The following ATP2B4 variants were observed in gnomAD, a reference collection of about 807,000 sequenced individuals.
ATP2B4 encodes plasma membrane calcium-transporting ATPase 4.
ATP2B4 carries 39 observed loss-of-function variants against 110.3 expected under a neutral mutation model. That is an observed-to-expected ratio of 0.35 (90% CI 0.27 to 0.46). ATP2B4 has a LOEUF of 0.46. Among genes scored for constraint, ATP2B4 ranks in the 20% least tolerant of loss-of-function variants. The pLI is 1.00. For missense variants in ATP2B4, 1,135 were observed against 1,530.9 expected, an observed-to-expected ratio of 0.74 and a Z score of 4.32; for synonymous variants, 538 against 571.7, an observed-to-expected ratio of 0.94 and a Z score of 0.84.
At chr1:203,724,076 C>A (rs1052692362) in intron 19 of ATP2B4, 88 bp downstream of exon 19, 10 of 1,058,650 alleles carry the variant, frequency 9.4e-6, no homozygotes, top group South Asian at 1.7e-5. Context: ...ACGGTGGAGA[C>A]CCCCCAGCTC....
chr1:203,648,383 G>T (rs1663872905), intron 1 of ATP2B4, among the ~76,000 whole-genome samples: 2 of 152,170 alleles, frequency 1.3e-5, no homozygotes, highest in Non-Finnish European at 2.9e-5. Flanking sequence ...TAGCAACCAT[G>T]GGGCTGGGGA....
At chr1:203,709,228 G>A in intron 10 of ATP2B4, 73 bp from the exon 11 acceptor site, 2 of 1,581,006 alleles carry the variant, frequency 1.3e-6, no homozygotes, top group Non-Finnish European at 1.7e-6. Context: ...TTGTAAATGA[G>A]TTCTTTCTCC....
At chr1:203,672,124 C>T (rs1014337063) in intron 1 of ATP2B4, among the ~76,000 whole-genome samples, 1 of 152,136 alleles carries the variant, frequency 6.6e-6, no homozygotes, top group East Asian at 1.9e-4. Context: ...TGGGGTTTGG[C>T]GTTTCTCCTT....
At chr1:203,686,008 A>G (rs1029813739) in intron 2 of ATP2B4, among the ~76,000 whole-genome samples, 1 of 151,522 alleles carries the variant, frequency 6.6e-6, no homozygotes, top group African/African-American at 2.4e-5. Flanking sequence ...TTAATCACAA[A>G]AAAAAAAAAA....
intron 8 of ATP2B4, among the ~76,000 whole-genome samples, chr1:203,705,264 T>C (rs1299218879): frequency 6.6e-6 from 1 of 152,246 alleles, no homozygotes; most frequent in Non-Finnish European, 1.5e-5. Flanking sequence ...TTTTAACTAC[T>C]GTGAAATCTC....
intron 1 of ATP2B4, among the ~76,000 whole-genome samples, chr1:203,645,316 C>T (rs946109194): frequency 6.6e-6 from 1 of 152,172 alleles, no homozygotes; most frequent in Non-Finnish European, 1.5e-5. Flanking sequence ...CTAGGCAACA[C>T]TGCCTCTCTA....
chr1:203,721,576 C>T (rs1308249543), intron 17 of ATP2B4, among the ~76,000 whole-genome samples, 166 bp downstream of exon 17: 1 of 151,524 alleles, frequency 6.6e-6, no homozygotes, highest in African/African-American at 2.4e-5. Context: ...TATATGTACT[C>T]ATACAGTACT....
Position 203,642,284 on chromosome 1 carries a change from A to G in ATP2B4, c.-465+15065A>G, listed in dbSNP as rs145236465. Among the ~76,000 whole-genome samples, 823 of 152,136 alleles carry G rather than the reference A, an allele frequency of 5.4e-3. 9 individuals are homozygous for G. The highest frequency in any genetic ancestry group is 0.019 in the African/African-American group (777 of 41,516). On this transcript the variant is annotated intron_variant, in intron 1 of 20. Transcript: ENST00000357681. ...ATTTTTTTTAGAAATGGGTCTTGCT[A>G]TGTTGCTCAGGCTGGTCTCAAACTT...
chr1:203,663,450 C>T (rs1463280051), intron 1 of ATP2B4, among the ~76,000 whole-genome samples: 6 of 152,134 alleles, frequency 3.9e-5, no homozygotes, highest in Non-Finnish European at 8.8e-5. Flanking sequence ...CACACACACA[C>T]ATCACACATA....
intron 17 of ATP2B4, 100 bp downstream of exon 17, chr1:203,721,510 C>A: frequency 8.3e-7 from 1 of 1,211,854 alleles, no homozygotes; most frequent in Non-Finnish European, 1.2e-6. Context: ...CAGGAATAAG[C>A]GCAGCTTCAC....
At chr1:203,655,491 CA>C (rs1664132802) in intron 1 of ATP2B4, among the ~76,000 whole-genome samples, 1 of 152,014 alleles carries the variant, frequency 6.6e-6, no homozygotes, top group Admixed American at 6.6e-5. Context: ...GCTAAAAATA[CA>C]AAAATTAACC....
intron 19 of ATP2B4, among the ~76,000 whole-genome samples, chr1:203,726,615 C>G (rs1666528349): frequency 6.6e-6 from 1 of 152,128 alleles, no homozygotes; most frequent in Admixed American, 6.6e-5. Context: ...AGAGCTCTGG[C>G]ATTCTTCCCA....
At chr1:203,727,164 T>C (rs1666549665) in intron 19 of ATP2B4, among the ~76,000 whole-genome samples, 2 of 152,090 alleles carry the variant, frequency 1.3e-5, no homozygotes, top group African/African-American at 4.8e-5. Context: ...GAATAGAAGC[T>C]CTCTTTTGTG....
intron 20 of ATP2B4, among the ~76,000 whole-genome samples, chr1:203,731,307 G>A (rs532722957): frequency 6.6e-6 from 1 of 152,166 alleles, no homozygotes; most frequent in Non-Finnish European, 1.5e-5. Context: ...TAAAAGGACT[G>A]TCTCACTCAC....
chr1:203,646,513 C>T (rs1317149764), intron 1 of ATP2B4, among the ~76,000 whole-genome samples: 1 of 152,146 alleles, frequency 6.6e-6, no homozygotes, highest in Non-Finnish European at 1.5e-5. Context: ...CCTGTAATCC[C>T]AGCACCTTGG....
intron 1 of ATP2B4, among the ~76,000 whole-genome samples, chr1:203,650,731 G>A (rs1243390350): frequency 6.6e-6 from 1 of 152,198 alleles, no homozygotes; most frequent in Admixed American, 6.5e-5. Flanking sequence ...TCAGCATGCC[G>A]GCTGCGGAAG....
chr1:203,671,739 C>T (rs1664669350), intron 1 of ATP2B4, among the ~76,000 whole-genome samples: 1 of 152,214 alleles, frequency 6.6e-6, no homozygotes, highest in South Asian at 2.1e-4. Context: ...TCCTCACCAC[C>T]TTGACTAAAA....
In ATP2B4 at chr1:203,736,293, C is replaced by T. The variant is rs374232644; in HGVS notation, c.3310-3253C>T. On this transcript the variant is annotated intron_variant, in intron 20 of 20. Transcript: ENST00000357681. ...CAGCCTGGCCAACATGGTGAAACCT[C>T]ATTTCTACTAAAAATACAAAAAAAA... Among the ~76,000 whole-genome samples the T allele has an allele frequency of 5.8e-4, 89 of 152,160 alleles. 1 individual carries two copies. In the South Asian group the frequency reaches 0.01, roughly 18 times the overall value.
Position 203,709,402 on chromosome 1 carries a change from G to A in ATP2B4, c.1659G>A (p.Val553=). 1.9e-6 allele frequency: 3 copies of A among 1,614,234 alleles called. No homozygotes were observed. In the African/African-American group the frequency reaches 4.0e-5, roughly 22 times the overall value. ...VTDLKQDYQA[V]RNEVPEEKLY... ...ATCTGAAGCAGGATTATCAGGCTGT[G>A]CGTAATGAAGTGCCCGAGGAGAAGC... Residue 553 remains valine, a synonymous_variant, in exon 11 of 21, where the codon GTG becomes GTA. Transcript: ENST00000357681.
Sources: allele counts gnomAD v4.1 joint callset (sites outside exome capture counted in the v4.1 genomes callset), GRCh38; gene constraint gnomAD v4.1.1; transcripts MANE v1.5; gene names NCBI Gene and HGNC (gene_info 2026-07-23, HGNC 2026-07-21).